The following DNAH14 variants were observed in gnomAD, a reference collection of about 807,000 sequenced individuals.
DNAH14 encodes dynein axonemal heavy chain 14.
Under a neutral mutation model 520.9 loss-of-function variants are expected in DNAH14, and 478 were observed. That is an observed-to-expected ratio of 0.92 (90% CI 0.85 to 0.99). The LOEUF is 0.99. DNAH14 is among the 50% of genes least tolerant of loss of function. The pLI, the probability that DNAH14 is intolerant of heterozygous loss-of-function variation, is 0.00. For missense variants in DNAH14, 4,831 were observed against 5,234.5 expected (o/e 0.92, Z 2.38); for synonymous variants, 1,581 against 1,757.2 (o/e 0.90, Z 2.51).
intron 51 of DNAH14, among the ~76,000 whole-genome samples, chr1:225,272,293 C>G (rs1371826658): frequency 1.3e-5 from 2 of 152,104 alleles, no homozygotes; most frequent in African/African-American, 4.8e-5. Context: ...AGAATATTGG[C>G]TAAGATCCTC....
chr1:225,174,152 C>T lies in DNAH14; in HGVS notation c.5535+6124C>T, dbSNP rs569338332. 1.4e-4 allele frequency among the ~76,000 whole-genome samples: 22 copies of T among 152,138 alleles called. No homozygotes were observed. The South Asian group carries it at 4.6e-3, about 32-fold the overall frequency. On this transcript the variant is annotated intron_variant, in intron 36 of 85. Coordinates refer to ENST00000682510, the MANE Select transcript of DNAH14 (RefSeq NM_001367479.1). ...GGGAGGGATAGCATTAGGAGATATA[C>T]CTAATATTAAATGACGAGTCGATGG...
chr1:225,375,776 A>G (rs1295165875), intron 78 of DNAH14, among the ~76,000 whole-genome samples: 3 of 151,958 alleles, frequency 2.0e-5, no homozygotes, highest in Non-Finnish European at 4.4e-5. Flanking sequence ...ATTTCCATCA[A>G]AAAACAACAA....
intron 43 of DNAH14, among the ~76,000 whole-genome samples, chr1:225,243,550 T>C (rs2092096388): frequency 6.6e-6 from 1 of 152,108 alleles, no homozygotes; most frequent in Non-Finnish European, 1.5e-5. Context: ...TGTAAGTGTT[T>C]AGGGTCCTAA....
chr1:225,215,350 A>G (rs560425249), intron 41 of DNAH14, among the ~76,000 whole-genome samples: 12 of 152,222 alleles, frequency 7.9e-5, no homozygotes, highest in African/African-American at 2.6e-4. Flanking sequence ...TTTGGAATAA[A>G]TGCGATGTGG....
intron 8 of DNAH14, among the ~76,000 whole-genome samples, chr1:224,979,237 G>A (rs1263003851): frequency 6.6e-6 from 1 of 152,132 alleles, no homozygotes; most frequent in Non-Finnish European, 1.5e-5. Flanking sequence ...GAAGAGGGAA[G>A]GAAACAGTCT....
Position 225,275,967 on chromosome 1 carries a change from C to A in DNAH14, c.8064C>A (p.Phe2688Leu). ...LMNHSTVFLD[F>L]LDINKTHRKK... ...ATCACTCAACTGTATTTTTGGACTT[C>A]TTGGATATAAACAAGACTCATAGAA... is the stretch of plus-strand genomic sequence containing the variant. The change falls in exon 53 of 86, where the codon TTC becomes TTA. Residue 2688 changes from phenylalanine (F) to leucine (L), a missense_variant. Phe to Leu is a conservative substitution (Grantham distance 22, BLOSUM62 0). Coordinates refer to ENST00000682510, the MANE Select transcript of DNAH14 (RefSeq NM_001367479.1). 1 of 400,978 alleles carries A rather than the reference C, an allele frequency of 2.5e-6. No individual in the cohort carries two copies. The highest frequency in any genetic ancestry group is 5.0e-6 in the Non-Finnish European group (1 of 200,274). The allele number at this position is 400,978 out of a possible 1,614,324, so 24.8% of individuals were successfully genotyped here.
At chr1:224,965,809 G>C (rs1460573228) in intron 5 of DNAH14, among the ~76,000 whole-genome samples, 1 of 152,050 alleles carries the variant, frequency 6.6e-6, no homozygotes, top group African/African-American at 2.4e-5. Flanking sequence ...ATGCCATGGT[G>C]CCTGGCAGGT....
chr1:225,089,517 G>A (rs2074176138), intron 21 of DNAH14, among the ~76,000 whole-genome samples: 1 of 146,870 alleles, frequency 6.8e-6, no homozygotes, highest in South Asian at 2.2e-4. Flanking sequence ...TTAGAAAGGA[G>A]ATATTTAAAA....
At chr1:225,058,215 A>C (rs2069435926) in intron 17 of DNAH14, among the ~76,000 whole-genome samples, 1 of 152,116 alleles carries the variant, frequency 6.6e-6, no homozygotes, top group African/African-American at 2.4e-5. Flanking sequence ...AGAGCCTGTT[A>C]CTGGTCTATT....
chr1:225,053,345 T>C (rs2068724414), intron 17 of DNAH14, among the ~76,000 whole-genome samples: 1 of 152,076 alleles, frequency 6.6e-6, no homozygotes, highest in Non-Finnish European at 1.5e-5. Context: ...ATATAGTCTG[T>C]GAAAAGGCAC....
intron 10 of DNAH14, among the ~76,000 whole-genome samples, chr1:225,015,401 G>A (rs1176936377): frequency 2.0e-5 from 3 of 152,100 alleles, no homozygotes; most frequent in Admixed American, 1.3e-4. Flanking sequence ...TTTGCAGTTA[G>A]GTGGTTTTCC....
intron 73 of DNAH14, 120 bp from the exon 74 acceptor site, chr1:225,358,376 G>A: frequency 2.2e-6 from 2 of 912,262 alleles, no homozygotes; most frequent in East Asian, 2.8e-5. Flanking sequence ...TCCTCAACAG[G>A]AAAACTCTGG....
At position 225,368,045 on chromosome 1, in the gene DNAH14, T is replaced by C; in HGVS notation, c.12318+13T>C. 3 of 1,525,422 alleles carry C rather than the reference T, an allele frequency of 2.0e-6. No homozygotes were observed. The highest frequency in any genetic ancestry group is 2.7e-6 in the Non-Finnish European group (3 of 1,131,716). 94.5% of individuals were successfully genotyped at this position (1,525,422 alleles called of 1,614,324 possible). A position where few individuals can be genotyped will look rare whatever the true frequency, so the allele number is the denominator to read the frequency against. On this transcript the variant is annotated intron_variant, in intron 77 of 85. Coordinates refer to ENST00000682510, the MANE Select transcript of DNAH14 (RefSeq NM_001367479.1). ...TTCAGACTTGGGGGTAAGTGTAGTC[T>C]CTTCAAACAAACAACAAATAAGTAA...
At chr1:225,376,319 T>G (rs2095700521) in intron 78 of DNAH14, among the ~76,000 whole-genome samples, 1 of 151,872 alleles carries the variant, frequency 6.6e-6, no homozygotes, top group Non-Finnish European at 1.5e-5. Flanking sequence ...CCTAGCTACA[T>G]GGGAGGCTGA....
intron 85 of DNAH14, 36 bp downstream of exon 85, chr1:225,398,702 T>C (rs890306239): frequency 6.5e-7 from 1 of 1,546,736 alleles, no homozygotes; most frequent in African/African-American, 1.4e-5. Context: ...GTCCTAAACC[T>C]CTGAGCGTTG....
At chr1:225,075,131 G>A (rs933603395) in intron 17 of DNAH14, among the ~76,000 whole-genome samples, 1 of 152,194 alleles carries the variant, frequency 6.6e-6, no homozygotes, top group Non-Finnish European at 1.5e-5. Flanking sequence ...CCCTGGTGAA[G>A]TGGGTTCACA....
intron 74 of DNAH14, 93 bp from the exon 75 acceptor site, chr1:225,360,588 T>C (rs1463875608): frequency 8.3e-7 from 1 of 1,199,564 alleles, no homozygotes; most frequent in Non-Finnish European, 1.2e-6. Flanking sequence ...CTATACCTTT[T>C]CCCAACACTA....
At chr1:225,266,525 T>C in intron 48 of DNAH14, 116 bp from the exon 49 acceptor site, 1 of 661,862 alleles carries the variant, frequency 1.5e-6, no homozygotes, top group African/African-American at 1.9e-5. Flanking sequence ...GATTTTGTGC[T>C]TACTCCATAG....
chr1:225,048,267 C>T (rs573654993), intron 15 of DNAH14, among the ~76,000 whole-genome samples: 7 of 152,050 alleles, frequency 4.6e-5, no homozygotes, highest in Non-Finnish European at 1.0e-4. Flanking sequence ...TTGGGAGGCC[C>T]AGGTGGGTGG....
Sources: allele counts gnomAD v4.1 joint callset (sites outside exome capture counted in the v4.1 genomes callset), GRCh38; gene constraint gnomAD v4.1.1; transcripts MANE v1.5; gene names NCBI Gene and HGNC (gene_info 2026-07-23, HGNC 2026-07-21).